The following KCNMA1 variants were observed in gnomAD, a reference collection of about 807,000 sequenced individuals.
The protein encoded by KCNMA1 is Calcium-activated potassium channel subunit alpha-1.
Under a neutral mutation model 140.0 loss-of-function variants are expected in KCNMA1, and 29 were observed. The ratio of observed to expected loss-of-function variants is 0.21; its 90% CI spans 0.15 to 0.28. KCNMA1 has a LOEUF of 0.28. Among genes scored for constraint, KCNMA1 ranks in the 10% least tolerant of loss-of-function variants. The pLI, the probability that KCNMA1 is intolerant of heterozygous loss-of-function variation, is 1.00. For synonymous variants in KCNMA1, 612 were observed against 611.9 expected (o/e 1.00, Z 0.00); for missense variants, 880 against 1,602.2 (o/e 0.55, Z 7.70).
chr10:77,398,081 T>TGTGTA (rs1491447421), intron 2 of KCNMA1, among the ~76,000 whole-genome samples: 4 of 149,158 alleles, frequency 2.7e-5, no homozygotes, highest in African/African-American at 1.0e-4. Context: ...TGTGTGTGTA[T>TGTGTA]TTTTTTTTTC....
At chr10:76,946,544 A>G (rs996468785) in intron 22 of KCNMA1, among the ~76,000 whole-genome samples, 2 of 152,198 alleles carry the variant, frequency 1.3e-5, no homozygotes. Context: ...ATATTGTGCA[A>G]CTATGGAGGA....
intron 1 of KCNMA1, among the ~76,000 whole-genome samples, chr10:77,486,868 C>T (rs2098467084): frequency 2.6e-5 from 4 of 152,202 alleles, no homozygotes; most frequent in Non-Finnish European, 5.9e-5. Context: ...CCTCCCTAGT[C>T]CCCCAGGTTC....
chr10:77,590,560 C>T (rs1194685505), intron 1 of KCNMA1, among the ~76,000 whole-genome samples: 1 of 152,256 alleles, frequency 6.6e-6, no homozygotes, highest in Non-Finnish European at 1.5e-5. Context: ...TGTTCCCGCC[C>T]GCGCCTCTCC....
intron 25 of KCNMA1, among the ~76,000 whole-genome samples, chr10:76,907,192 A>G (rs911762425): frequency 3.8e-4 from 58 of 152,308 alleles, no homozygotes; most frequent in African/African-American, 1.3e-3. Flanking sequence ...CTCCCATACT[A>G]TTGCATCCAA....
chr10:76,990,768 T>C (rs1340108592), intron 19 of KCNMA1, among the ~76,000 whole-genome samples: 2 of 152,208 alleles, frequency 1.3e-5, no homozygotes, highest in South Asian at 4.1e-4. Context: ...TGTGGAAATT[T>C]ACTCATCTGC....
chr10:76,991,307 T>C (rs79527895), intron 19 of KCNMA1, among the ~76,000 whole-genome samples: 11,044 of 152,282 alleles, frequency 0.073, 460 homozygotes, highest in Middle Eastern at 0.11. Flanking sequence ...CCACTCCTCA[T>C]TGGAAGCATT....
At chr10:77,486,707 T>C (rs532728474) in intron 1 of KCNMA1, among the ~76,000 whole-genome samples, 8 of 152,094 alleles carry the variant, frequency 5.3e-5, no homozygotes, top group Non-Finnish European at 1.0e-4. Context: ...GATGAGAGGG[T>C]GTGTGGAGAG....
intron 14 of KCNMA1, among the ~76,000 whole-genome samples, chr10:77,052,500 A>G (rs368934676): frequency 6.6e-6 from 1 of 151,768 alleles, no homozygotes; most frequent in African/African-American, 2.4e-5. Context: ...CTCCCCACAC[A>G]CTATTCGTAC....
At chr10:77,522,971 G>T (rs926087279) in intron 1 of KCNMA1, among the ~76,000 whole-genome samples, 1 of 152,098 alleles carries the variant, frequency 6.6e-6, no homozygotes, top group Non-Finnish European at 1.5e-5. Flanking sequence ...CCATCAAGGG[G>T]CAGATTCCTC....
chr10:77,205,328 T>C (rs1362255236), intron 3 of KCNMA1, among the ~76,000 whole-genome samples: 1 of 152,144 alleles, frequency 6.6e-6, no homozygotes, highest in Non-Finnish European at 1.5e-5. Flanking sequence ...TGTGTGCATA[T>C]CAAATAGGAG....
At chr10:77,437,507 G>T (rs2097290563) in intron 1 of KCNMA1, among the ~76,000 whole-genome samples, 1 of 152,128 alleles carries the variant, frequency 6.6e-6, no homozygotes, top group South Asian at 2.1e-4. Flanking sequence ...TAAAATTTTG[G>T]AGCAGAAAGA....
At chr10:77,141,903 A>G (rs567809400) in intron 5 of KCNMA1, among the ~76,000 whole-genome samples, 2 of 152,334 alleles carry the variant, frequency 1.3e-5, no homozygotes, top group South Asian at 2.1e-4. Flanking sequence ...TCACCTGACC[A>G]TGACGTATTG....
At chr10:77,534,582 G>C (rs1300650557) in intron 1 of KCNMA1, among the ~76,000 whole-genome samples, 2 of 152,150 alleles carry the variant, frequency 1.3e-5, no homozygotes, top group African/African-American at 4.8e-5. Flanking sequence ...AATATACTCA[G>C]GAAGATCAGG....
At chr10:76,967,301 A>G (rs1907726) in intron 20 of KCNMA1, among the ~76,000 whole-genome samples, 123,285 of 152,132 alleles carry the variant, frequency 0.81, 50,159 homozygotes, top group East Asian at 0.97. Context: ...TCCTTTATGG[A>G]TTTTTCAGGT....
intron 23 of KCNMA1, among the ~76,000 whole-genome samples, chr10:76,918,379 C>T (rs2053840856): frequency 6.6e-6 from 1 of 152,200 alleles, no homozygotes; most frequent in Non-Finnish European, 1.5e-5. Context: ...AAAGCTATCA[C>T]CAGATGGGCT....
chr10:77,617,064 G>T (rs1423000917), intron 1 of KCNMA1, among the ~76,000 whole-genome samples: 1 of 152,176 alleles, frequency 6.6e-6, no homozygotes, highest in East Asian at 1.9e-4. Context: ...TGGTCCATTG[G>T]ATTTTAGAAA....
At chr10:77,283,975 G>A (rs929004424) in intron 2 of KCNMA1, among the ~76,000 whole-genome samples, 1 of 152,156 alleles carries the variant, frequency 6.6e-6, no homozygotes, top group Non-Finnish European at 1.5e-5. Flanking sequence ...GGTGAAAGGC[G>A]TGTGCTGTGG....
chr10:77,201,548 G>A (rs1029156563), intron 3 of KCNMA1, among the ~76,000 whole-genome samples: 1 of 152,190 alleles, frequency 6.6e-6, no homozygotes, highest in Non-Finnish European at 1.5e-5. Flanking sequence ...AAGGCATGCT[G>A]GGGAAGGACC....
At chr10:77,329,082 C>T (rs1446065525) in intron 2 of KCNMA1, among the ~76,000 whole-genome samples, 1 of 152,054 alleles carries the variant, frequency 6.6e-6, no homozygotes, top group Non-Finnish European at 1.5e-5. Context: ...CCTTGTGATC[C>T]CCCTGCCTCG....
Sources: gnomAD v4.1 joint callset for allele counts (sites outside exome capture counted in the v4.1 genomes callset) on GRCh38, gnomAD v4.1.1 for gene constraint, MANE v1.5 for transcripts, NCBI Gene and HGNC (gene_info 2026-07-23, HGNC 2026-07-21) for gene names.